SPINK7: variants seen among roughly 807,000 people sequenced by gnomAD.
SPINK7 encodes the protein serine peptidase inhibitor Kazal type 7, also known as serine protease inhibitor Kazal-type 7.
SPINK7 carries 8 observed loss-of-function variants against 11.6 expected under a neutral mutation model. The ratio of observed to expected loss-of-function variants is 0.69; its 90% CI spans 0.41 to 1.25. The LOEUF is 1.25. Ranked by LOEUF, SPINK7 falls within the 50% of genes most tolerant of loss-of-function variation. The pLI is 0.01. For synonymous variants in SPINK7, 38 were observed against 35.3 expected (o/e 1.08, Z -0.27); for missense variants, 113 against 99.3 (o/e 1.14, Z -0.58).
chr5:148,313,779 G>C, intron 2 of SPINK7: 1 of 457,050 alleles, frequency 2.2e-6, no homozygotes, highest in Non-Finnish European at 3.8e-6. Context: ...CTATTTCTAA[G>C]CTTTAATTTT....
chr5:148,313,253 G>A, intron 1 of SPINK7, 121 bp from the exon 2 acceptor site: 3 of 676,360 alleles, frequency 4.4e-6, no homozygotes, highest in Non-Finnish European at 7.3e-6. Context: ...AGGATGGAGA[G>A]TGTGCTGAAT....
Position 148,314,229 on chromosome 5 carries a change from G to C in SPINK7, c.212+5G>C, listed in dbSNP as rs761731709. On this transcript the variant is annotated splice_donor_5th_base_variant and intron_variant, in intron 3 of 3. Coordinates refer to ENST00000274565, the MANE Select transcript of SPINK7 (RefSeq NM_032566.3). Reference sequence around the variant, plus strand: ...TCACTTGTGTACCGAGAGCTTGTGAGTACCTCATAAGAAGAAAATGAGATC... The same window carrying C: ...TCACTTGTGTACCGAGAGCTTGTGACTACCTCATAAGAAGAAAATGAGATC... 6.2e-7 allele frequency: 1 copy of C among 1,613,532 alleles called. No individual in the cohort carries two copies. Among genetic ancestry groups the C allele is most frequent in the South Asian group, 1.1e-5 (1 of 91,060 alleles).
At chr5:148,315,575 G>A (rs1215834497) in intron 3 of SPINK7, 64 bp from the exon 4 acceptor site, 9 of 973,482 alleles carry the variant, frequency 9.2e-6, no homozygotes, top group Non-Finnish European at 1.3e-5. Flanking sequence ...GTTCCTTTCA[G>A]CTCTAACATT....
At position 148,315,859 on chromosome 5, in the gene SPINK7, C is replaced by A; in HGVS notation, c.*175C>A. Reference sequence around the variant, plus strand: ...TCTGTGCTACCCCTACAAACCCATGCCTCACTGACAGACCAGCATTTTTTT... The same window carrying A: ...TCTGTGCTACCCCTACAAACCCATGACTCACTGACAGACCAGCATTTTTTT... On this transcript the variant is annotated 3_prime_UTR_variant, in exon 4 of 4. Coordinates refer to ENST00000274565, the MANE Select transcript of SPINK7 (RefSeq NM_032566.3). 2.4e-6 allele frequency: 1 copy of A among 418,964 alleles called. No individual in the cohort carries two copies. 26.0% of individuals were successfully genotyped at this position (418,964 alleles called of 1,614,324 possible).
intron 2 of SPINK7, 171 bp from the exon 3 acceptor site, chr5:148,313,929 A>G: frequency 1.4e-6 from 1 of 739,864 alleles, no homozygotes; most frequent in South Asian, 2.1e-5. Flanking sequence ...AGAAAAAAAT[A>G]GAATACCAGT....
chr5:148,314,163 C>T lies in SPINK7; in HGVS notation c.151C>T (p.Pro51Ser). The T allele has an allele frequency of 6.2e-7, 1 of 1,613,486 alleles. No homozygotes were observed. Among genetic ancestry groups the T allele is most frequent in the Non-Finnish European group, 8.5e-7 (1 of 1,179,544 alleles). The change falls in exon 3 of 4, where the codon CCA becomes TCA. Residue 51 changes from proline to serine, a missense_variant. By Grantham distance (74) the Pro-to-Ser change is moderately conservative. Coordinates refer to ENST00000274565, the MANE Select transcript of SPINK7 (RefSeq NM_032566.3). ...VAIPCPITYL[P>S]VCGSDYITYG... ...CATCCCCTGCCCCATCACATACCTACCAGTTTGTGGTTCTGACTACATCAC... is the reference window on the plus strand; with the variant it reads ...CATCCCCTGCCCCATCACATACCTATCAGTTTGTGGTTCTGACTACATCAC...
chr5:148,314,505 C>A, intron 3 of SPINK7: 1 of 475,498 alleles, frequency 2.1e-6, no homozygotes. Context: ...AACTGCTGTC[C>A]CCAGAGCACA....
chr5:148,312,592 C>A, intron 1 of SPINK7, 48 bp downstream of exon 1: 1 of 1,066,550 alleles, frequency 9.4e-7, no homozygotes, highest in Non-Finnish European at 1.4e-6. Flanking sequence ...AGATTGTTTT[C>A]ATAAATAATC....
rs1756923923 is a variant in SPINK7, at chr5:148,315,723, A to ATCC, written c.*41_*42insCTC. ...ATAGAGAGAAAGGAATGATATTCTC[A>ATCC]TCATCATCTTCATCATCCCAGGCTC... is the stretch of plus-strand genomic sequence containing the variant. On this transcript the variant is annotated 3_prime_UTR_variant, in exon 4 of 4. Coordinates refer to ENST00000274565, the MANE Select transcript of SPINK7 (RefSeq NM_032566.3). 1 of 1,236,260 alleles carries ATCC rather than the reference A, an allele frequency of 8.1e-7. No individual in the cohort carries two copies. Among genetic ancestry groups the ATCC allele is most frequent in the African/African-American group, 1.5e-5 (1 of 67,166 alleles). The allele number at this position is 1,236,260 out of a possible 1,614,324, so 76.6% of individuals were successfully genotyped here.
intron 3 of SPINK7, chr5:148,314,512 C>T: frequency 2.2e-6 from 1 of 453,588 alleles, no homozygotes; most frequent in Non-Finnish European, 4.0e-6. Context: ...GTCCCCAGAG[C>T]ACAGAGGTTC....
chr5:148,313,641 T>A (rs558999174), intron 2 of SPINK7: 23 of 401,006 alleles, frequency 5.7e-5, no homozygotes, highest in Non-Finnish European at 9.3e-5. Flanking sequence ...AGCTGAGAAG[T>A]TGGTGATGTT....
At chr5:148,313,795 T>G in intron 2 of SPINK7, 1 of 475,006 alleles carries the variant, frequency 2.1e-6, no homozygotes, top group Non-Finnish European at 3.7e-6. Flanking sequence ...ATTTTCACAT[T>G]TGTAAAGAGA....
At position 148,312,686 on chromosome 5, in the gene SPINK7, C is replaced by T. The variant is rs575750351; in HGVS notation, c.61+142C>T. The T allele has an allele frequency of 1.9e-5, 11 of 569,026 alleles. No individual in the cohort carries two copies. The Admixed American group carries it at 2.9e-4, about 15-fold the overall frequency. 35.2% of individuals were successfully genotyped at this position (569,026 alleles called of 1,614,324 possible). On this transcript the variant is annotated intron_variant, in intron 1 of 3. Coordinates refer to ENST00000274565, the MANE Select transcript of SPINK7 (RefSeq NM_032566.3). The stretch of plus-strand genomic sequence containing the variant: ...TTTGTAATAGGATCTTATGTTCCAT[C>T]TGGAGTTTGAGAGACTTGAGTCCAA...
chr5:148,314,700 C>T (rs1166929805), intron 3 of SPINK7, among the ~76,000 whole-genome samples: 1 of 152,052 alleles, frequency 6.6e-6, no homozygotes, highest in Non-Finnish European at 1.5e-5. Flanking sequence ...CACTACCTGA[C>T]TTAGATTCTA....
Position 148,313,365 on chromosome 5 carries a change from CT to C in SPINK7, c.62-4del. The C allele has an allele frequency of 6.3e-7, 1 of 1,598,546 alleles. No individual in the cohort carries two copies. Among genetic ancestry groups the C allele is most frequent in the Non-Finnish European group, 8.5e-7 (1 of 1,169,714 alleles). On this transcript the variant is annotated splice_polypyrimidine_tract_variant and splice_region_variant and intron_variant, in intron 1 of 3. Transcript: ENST00000274565. Reference sequence around the variant, plus strand: ...ACTTTTAACATCTTCATCTGTATCTCTTTTTCAGAAGCTGCTAGTCTGTCTC... The same window carrying C: ...ACTTTTAACATCTTCATCTGTATCTCTTTTCAGAAGCTGCTAGTCTGTCTC...
chr5:148,313,977 A>G, intron 2 of SPINK7, 123 bp from the exon 3 acceptor site: 3 of 1,228,168 alleles, frequency 2.4e-6, no homozygotes, highest in Non-Finnish European at 3.5e-6. Flanking sequence ...ACTAGTACTT[A>G]AAGAAGTGGC....
Position 148,314,144 on chromosome 5 carries a change from C to G in SPINK7, c.132C>G (p.Pro44=). 1 of 1,613,804 alleles carries G rather than the reference C, an allele frequency of 6.2e-7. No homozygotes were observed. The highest frequency in any genetic ancestry group is 8.5e-7 in the Non-Finnish European group (1 of 1,179,800). The part of the protein sequence containing the change: ...IYKKYPVVAI[P]CPITYLPVCG... ...AGAAGTATCCAGTGGTGGCCATCCC[C>G]TGCCCCATCACATACCTACCAGTTT... is the stretch of plus-strand genomic sequence containing the variant. The change falls in exon 3 of 4, where the codon CCC becomes CCG. Residue 44 remains proline (P), a synonymous_variant. Transcript: ENST00000274565.
rs1756926814 is a variant in SPINK7, at chr5:148,315,910, C to G, written c.*226C>G. 5.2e-6 allele frequency: 2 copies of G among 386,028 alleles called. No homozygotes were observed. The highest frequency in any genetic ancestry group is 9.3e-6 in the Non-Finnish European group (2 of 215,972). 23.9% of individuals were successfully genotyped at this position (386,028 alleles called of 1,614,324 possible). A position where few individuals can be genotyped will look rare whatever the true frequency, so the allele number is the denominator to read the frequency against. On this transcript the variant is annotated 3_prime_UTR_variant, in exon 4 of 4. Transcript: ENST00000274565. ...TTTAACACGTCAATAAAAAAATAATCTCCCAGAAAGTTTATCTTTGCTTCT... is the reference window on the plus strand; with the variant it reads ...TTTAACACGTCAATAAAAAAATAATGTCCCAGAAAGTTTATCTTTGCTTCT...
Position 148,314,139 on chromosome 5 carries a change from A to G in SPINK7, c.127A>G (p.Ile43Val). The G allele has an allele frequency of 6.2e-7, 1 of 1,613,824 alleles. No individual in the cohort carries two copies. Among genetic ancestry groups the G allele is most frequent in the Non-Finnish European group, 8.5e-7 (1 of 1,179,810 alleles). ...SIYKKYPVVAIPCPITYLPVC... is the reference protein window; with the variant it reads ...SIYKKYPVVAVPCPITYLPVC... The stretch of plus-strand genomic sequence containing the variant: ...TTACAAGAAGTATCCAGTGGTGGCC[A>G]TCCCCTGCCCCATCACATACCTACC... The change falls in exon 3 of 4, where the codon ATC becomes GTC. Residue 43 changes from isoleucine to valine, a missense_variant. Physicochemically the swap from Ile to Val is conservative, Grantham distance 29. Transcript: ENST00000274565.
Sources: allele counts gnomAD v4.1 joint callset (sites outside exome capture counted in the v4.1 genomes callset), GRCh38; gene constraint gnomAD v4.1.1; transcripts MANE v1.5; gene names NCBI Gene and HGNC (gene_info 2026-07-23, HGNC 2026-07-21).